The following MKX variants were observed in gnomAD, a reference collection of about 807,000 sequenced individuals.
MKX encodes the protein mohawk homeobox.
MKX carries 13 observed loss-of-function variants against 36.0 expected under a neutral mutation model. The ratio of observed to expected loss-of-function variants is 0.36; its 90% confidence interval spans 0.24 to 0.57. The LOEUF (loss-of-function observed/expected upper bound fraction) is 0.57. Among genes scored for constraint, MKX ranks in the 20% least tolerant of loss-of-function variants. The probability of loss-of-function intolerance (pLI) is 0.79; values close to 1 mark genes in which losing one functional copy is unlikely to be tolerated. For synonymous variants in MKX, 176 were observed against 178.3 expected (o/e 0.99, Z 0.10); for missense variants, 458 against 456.4 (o/e 1.00, Z -0.03).
At chr10:27,700,947 G>A (rs1836640277) in intron 5 of MKX, among the ~76,000 whole-genome samples, 2 of 151,908 alleles carry the variant, frequency 1.3e-5, no homozygotes, top group Admixed American at 1.3e-4. Flanking sequence ...TTTAATTTTT[G>A]TGGGTACATA....
intron 5 of MKX, among the ~76,000 whole-genome samples, chr10:27,693,714 T>A (rs1836495189): frequency 6.6e-6 from 1 of 152,234 alleles, no homozygotes; most frequent in South Asian, 2.1e-4. Context: ...TAAAAGTTAC[T>A]GATTTAGAGA....
chr10:27,700,059 A>C (rs1051105468), intron 5 of MKX, among the ~76,000 whole-genome samples: 9 of 152,224 alleles, frequency 5.9e-5, no homozygotes, highest in African/African-American at 2.2e-4. Flanking sequence ...TGGCCTCCAT[A>C]ATTCTGGAAT....
intron 3 of MKX, among the ~76,000 whole-genome samples, chr10:27,737,783 T>C (rs1907395): frequency 2.0e-4 from 31 of 152,256 alleles, no homozygotes; most frequent in Admixed American, 2.0e-3. Context: ...CTTTACTCAA[T>C]GGGATATAAT....
At chr10:27,739,851 A>G (rs561186593) in intron 3 of MKX, among the ~76,000 whole-genome samples, 1 of 152,328 alleles carries the variant, frequency 6.6e-6, no homozygotes, top group African/African-American at 2.4e-5. Flanking sequence ...AAAAATAAGT[A>G]GCATACTTAT....
At chr10:27,725,586 A>G (rs1834470328) in intron 5 of MKX, among the ~76,000 whole-genome samples, 1 of 152,076 alleles carries the variant, frequency 6.6e-6, no homozygotes, top group Non-Finnish European at 1.5e-5. Flanking sequence ...TGTTACATCA[A>G]CAAGACAAAT....
chr10:27,735,406 CT>C lies in MKX; in HGVS notation c.349-33del, dbSNP rs1834735521. The stretch of plus-strand genomic sequence containing the variant: ...CAGTATTATTTTTCAATTAACAAAA[CT>C]TAAAAACATTATCCATGGTGCGATT... On this transcript the variant is annotated intron_variant, in intron 3 of 6. Coordinates refer to ENST00000419761, the MANE Select transcript of MKX (RefSeq NM_173576.3). 3.8e-6 allele frequency: 6 copies of C among 1,582,174 alleles called. No homozygotes were observed. In the East Asian group the frequency reaches 1.3e-4, roughly 36 times the overall value.
At chr10:27,684,219 G>T (rs542704582) in intron 5 of MKX, among the ~76,000 whole-genome samples, 1 of 152,202 alleles carries the variant, frequency 6.6e-6, no homozygotes, top group East Asian at 1.9e-4. Flanking sequence ...GAAGGCCGAG[G>T]TGGGAGGATC....
intron 5 of MKX, among the ~76,000 whole-genome samples, chr10:27,706,762 T>G (rs916421538): frequency 6.6e-6 from 1 of 152,212 alleles, no homozygotes; most frequent in Admixed American, 6.5e-5. Context: ...TCTTTTTTTG[T>G]TGTTGAGTTG....
chr10:27,743,473 G>C lies in MKX; in HGVS notation c.-58C>G. On this transcript the variant is annotated 5_prime_UTR_variant, in exon 2 of 7. Transcript: ENST00000419761. ...GCAGAGCCTCGGGGCTGGGCCGCCG[G>C]GAGCTCCGCAGCGGGGCTCGGCTTC... is the stretch of plus-strand genomic sequence containing the variant. 4.1e-6 allele frequency: 6 copies of C among 1,457,152 alleles called. No individual in the cohort carries two copies. The highest frequency in any genetic ancestry group is 5.4e-6 in the Non-Finnish European group (6 of 1,107,686). The allele number at this position is 1,457,152 out of a possible 1,614,324, so 90.3% of individuals were successfully genotyped here. A position where few individuals can be genotyped will look rare whatever the true frequency, so the allele number is the denominator to read the frequency against.
At chr10:27,732,187 T>A (rs949018171) in intron 5 of MKX, among the ~76,000 whole-genome samples, 20 of 152,308 alleles carry the variant, frequency 1.3e-4, no homozygotes, top group Admixed American at 3.9e-4. Flanking sequence ...ACATTTTTTT[T>A]AAAATTGATA....
In MKX at chr10:27,711,783, G is replaced by A. The variant is rs532021196; in HGVS notation, c.838+22673C>T. The stretch of plus-strand genomic sequence containing the variant: ...TTTTTTTTAATAGAAATGGGGTCTC[G>A]GTATGTTGCCCAGACTGGTCTTGAA... On this transcript the variant is annotated intron_variant, in intron 5 of 6. Transcript: ENST00000419761. 9.2e-4 allele frequency among the ~76,000 whole-genome samples: 137 copies of A among 149,248 alleles called. 1 individual carries two copies. Among genetic ancestry groups the A allele is most frequent in the Middle Eastern group, 3.4e-3 (1 of 294 alleles).
At chr10:27,729,553 G>A (rs920205384) in intron 5 of MKX, among the ~76,000 whole-genome samples, 2 of 151,680 alleles carry the variant, frequency 1.3e-5, no homozygotes, top group Non-Finnish European at 2.9e-5. Flanking sequence ...ATGATCCACT[G>A]GCCTCGGCTT....
At chr10:27,736,272 GA>G (rs1834774744) in intron 3 of MKX, among the ~76,000 whole-genome samples, 1 of 152,004 alleles carries the variant, frequency 6.6e-6, no homozygotes, top group South Asian at 2.1e-4. Context: ...TGAAGAGGGG[GA>G]AAATAAACCA....
intron 5 of MKX, among the ~76,000 whole-genome samples, chr10:27,720,708 TATG>T (rs968680930): frequency 1.3e-5 from 2 of 152,092 alleles, no homozygotes; most frequent in African/African-American, 4.8e-5. Context: ...TATGGTAAAA[TATG>T]AGACAAATTC....
chr10:27,705,591 G>A (rs570698002), intron 5 of MKX, among the ~76,000 whole-genome samples: 90 of 152,300 alleles, frequency 5.9e-4, no homozygotes, highest in Non-Finnish European at 1.1e-3. Flanking sequence ...ATGGCCCCAA[G>A]CAATCCTATC....
chr10:27,717,769 A>T (rs1401016920), intron 5 of MKX, among the ~76,000 whole-genome samples: 3 of 152,256 alleles, frequency 2.0e-5, no homozygotes, highest in Non-Finnish European at 4.4e-5. Context: ...GATAACATGT[A>T]AAACTCGACC....
chr10:27,681,335 G>C lies in MKX; in HGVS notation c.839-5781C>G, dbSNP rs143570662. Among the ~76,000 whole-genome samples the C allele has an allele frequency of 4.7e-3, 723 of 152,218 alleles. 1 individual carries two copies. The highest frequency in any genetic ancestry group is 0.024 in the Middle Eastern group (7 of 294). ...GTGGTGGTGCATGCCTGTAATCCCA[G>C]CTACTCAGGAGGCTGAGGTGGGAGA... On this transcript the variant is annotated intron_variant, in intron 5 of 6. Coordinates refer to ENST00000419761, the MANE Select transcript of MKX (RefSeq NM_173576.3).
chr10:27,735,113 C>G (rs968813466), intron 4 of MKX, 108 bp downstream of exon 4: 1 of 1,043,350 alleles, frequency 9.6e-7, no homozygotes, highest in Non-Finnish European at 1.3e-6. Context: ...TAAAAAAGAA[C>G]CGTTAAGGCA....
intron 5 of MKX, among the ~76,000 whole-genome samples, chr10:27,720,008 G>A (rs1480011466): frequency 5.3e-5 from 8 of 150,344 alleles, no homozygotes; most frequent in African/African-American, 7.3e-5. Context: ...GAGAGAGAGA[G>A]AAAAAGTTGA....
Sources: allele counts gnomAD v4.1 joint callset (sites outside exome capture counted in the v4.1 genomes callset), GRCh38; gene constraint gnomAD v4.1.1; transcripts MANE v1.5; gene names NCBI Gene and HGNC (gene_info 2026-07-23, HGNC 2026-07-21).